GALNTL6: variants seen among roughly 807,000 people sequenced by gnomAD.
GALNTL6 encodes the protein polypeptide N-acetylgalactosaminyltransferase like 6.
GALNTL6 carries 46 observed loss-of-function variants against 73.7 expected under a neutral mutation model. The ratio of observed to expected loss-of-function variants is 0.62; its 90% CI spans 0.49 to 0.80. The LOEUF (loss-of-function observed/expected upper bound fraction) is 0.80, where lower values mean the gene tolerates loss of function less well. Ranked by LOEUF, GALNTL6 falls within the 30% of genes least tolerant of loss-of-function variation. The probability of loss-of-function intolerance (pLI) is 0.00; values close to 1 mark genes in which losing one functional copy is unlikely to be tolerated. For synonymous variants in GALNTL6, 259 were observed against 263.7 expected (o/e 0.98, Z 0.17); for missense variants, 604 against 755.0 (o/e 0.80, Z 2.34).
At chr4:172,482,532 C>A (rs1180875925) in intron 5 of GALNTL6, among the ~76,000 whole-genome samples, 1 of 152,234 alleles carries the variant, frequency 6.6e-6, no homozygotes, top group Non-Finnish European at 1.5e-5. Flanking sequence ...AGGCACTCAT[C>A]AAGTACATGA....
chr4:172,358,857 C>CAAAA (rs56119441), intron 5 of GALNTL6, among the ~76,000 whole-genome samples: 4 of 85,552 alleles, frequency 4.7e-5, no homozygotes, highest in Non-Finnish European at 6.6e-5. Context: ...ATTAAAAAGT[C>CAAAA]AAAAAAAAAA....
At chr4:172,684,490 C>A (rs61245711) in intron 5 of GALNTL6, among the ~76,000 whole-genome samples, 3,271 of 151,976 alleles carry the variant, frequency 0.022, 111 homozygotes, top group African/African-American at 0.074. Flanking sequence ...ATAATACAAT[C>A]AATTAGATGA....
chr4:172,911,090 A>C (rs1454753427), intron 8 of GALNTL6, among the ~76,000 whole-genome samples: 1 of 152,182 alleles, frequency 6.6e-6, no homozygotes, highest in African/African-American at 2.4e-5. Context: ...ATTAATTCAT[A>C]AGCATTTTCA....
rs557158669 is a variant in GALNTL6, at chr4:172,844,193, G to A, written c.923+30470G>A. On this transcript the variant is annotated intron_variant, in intron 7 of 12. Coordinates refer to ENST00000506823, the MANE Select transcript of GALNTL6 (RefSeq NM_001034845.3). ...CCGCGTACATTGAGCCATGTTCAAC[G>A]TGCTTTCTGACAGAGAAAGTAACGT... is the stretch of plus-strand genomic sequence containing the variant. Among the ~76,000 whole-genome samples the A allele has an allele frequency of 3.8e-4, 58 of 152,284 alleles. 1 individual carries two copies. In the South Asian group the frequency reaches 4.4e-3, roughly 11 times the overall value.
chr4:172,513,398 C>G (rs781603016), intron 5 of GALNTL6, among the ~76,000 whole-genome samples: 2 of 152,144 alleles, frequency 1.3e-5, no homozygotes, highest in African/African-American at 2.4e-5. Context: ...AATAATCGAA[C>G]TTCTGAATTC....
intron 7 of GALNTL6, among the ~76,000 whole-genome samples, chr4:172,834,785 C>T (rs759631108): frequency 1.3e-5 from 2 of 152,220 alleles, no homozygotes; most frequent in Non-Finnish European, 2.9e-5. Context: ...CCTTCTCTCA[C>T]CCTGGAGGAG....
chr4:172,585,215 G>A (rs1451419130), intron 5 of GALNTL6, among the ~76,000 whole-genome samples: 2 of 152,012 alleles, frequency 1.3e-5, no homozygotes, highest in Non-Finnish European at 2.9e-5. Context: ...GGAACTTAAA[G>A]TCTTCATTGT....
chr4:172,488,236 T>C (rs1995068), intron 5 of GALNTL6, among the ~76,000 whole-genome samples: 95,824 of 152,078 alleles, frequency 0.63, 31,148 homozygotes, highest in South Asian at 0.82. Context: ...CAAAGACTAG[T>C]GTGTTTCTGA....
At chr4:172,029,955 A>T (rs553100061) in intron 2 of GALNTL6, among the ~76,000 whole-genome samples, 5 of 152,142 alleles carry the variant, frequency 3.3e-5, no homozygotes, top group Non-Finnish European at 5.9e-5. Flanking sequence ...GAGTGCTAAT[A>T]ACCCTTATTA....
At chr4:172,348,354 G>A (rs1012757452) in intron 4 of GALNTL6, among the ~76,000 whole-genome samples, 169 bp from the exon 5 acceptor site, 76 of 152,186 alleles carry the variant, frequency 5.0e-4, no homozygotes, top group African/African-American at 1.8e-3. Flanking sequence ...GATCATTAAT[G>A]CATTCCGTGA....
intron 5 of GALNTL6, among the ~76,000 whole-genome samples, chr4:172,489,543 A>G (rs905772559): frequency 6.6e-6 from 1 of 152,236 alleles, no homozygotes; most frequent in African/African-American, 2.4e-5. Context: ...GTTTATACGC[A>G]CAGAGCAATA....
intron 7 of GALNTL6, among the ~76,000 whole-genome samples, chr4:172,874,492 G>A (rs1415544867): frequency 6.6e-6 from 1 of 152,180 alleles, no homozygotes; most frequent in Non-Finnish European, 1.5e-5. Flanking sequence ...GGAAACAGGA[G>A]GGTTTCAGAG....
intron 7 of GALNTL6, among the ~76,000 whole-genome samples, chr4:172,876,560 C>T (rs1452074520): frequency 6.6e-6 from 1 of 152,186 alleles, no homozygotes; most frequent in Non-Finnish European, 1.5e-5. Flanking sequence ...GATAACTTTT[C>T]AAAATGACCC....
intron 2 of GALNTL6, among the ~76,000 whole-genome samples, chr4:171,918,291 TGAC>T (rs1187575024): frequency 6.6e-6 from 1 of 152,132 alleles, no homozygotes; most frequent in Non-Finnish European, 1.5e-5. Flanking sequence ...ACATGTACTC[TGAC>T]TTTTGTCTCA....
At chr4:172,908,424 T>G (rs887516468) in intron 8 of GALNTL6, among the ~76,000 whole-genome samples, 47 of 152,120 alleles carry the variant, frequency 3.1e-4, no homozygotes, top group African/African-American at 1.1e-3. Flanking sequence ...TTTATATTAT[T>G]CTGAAGATAG....
intron 12 of GALNTL6, among the ~76,000 whole-genome samples, chr4:173,022,189 G>GAGGAAGGAAGGAAGGAAGGAAGGA (rs35151291): frequency 7.4e-6 from 1 of 134,258 alleles, no homozygotes; most frequent in Non-Finnish European, 1.6e-5. Flanking sequence ...GGGAGGGAGG[G>GAGGAAGGAAGGAAGGAAGGAAGGA]AGGAAGGAAG....
intron 5 of GALNTL6, among the ~76,000 whole-genome samples, chr4:172,481,414 G>A (rs1206473152): frequency 7.5e-6 from 1 of 133,708 alleles, no homozygotes; most frequent in Admixed American, 7.7e-5. Context: ...CAGTGTGGAA[G>A]GGGACCAGGG....
chr4:172,455,651 T>C (rs1732369023), intron 5 of GALNTL6, among the ~76,000 whole-genome samples: 1 of 152,112 alleles, frequency 6.6e-6, no homozygotes, highest in Non-Finnish European at 1.5e-5. Flanking sequence ...CCAGACCTCA[T>C]CTCTAGATTC....
intron 11 of GALNTL6, among the ~76,000 whole-genome samples, chr4:173,016,170 G>A (rs1561088370): frequency 6.6e-6 from 1 of 152,236 alleles, no homozygotes; most frequent in Non-Finnish European, 1.5e-5. Flanking sequence ...GGGCAGAGGT[G>A]TGCTATAGTG....
Sources: gnomAD v4.1 joint callset for allele counts (sites outside exome capture counted in the v4.1 genomes callset) on GRCh38, gnomAD v4.1.1 for gene constraint, MANE v1.5 for transcripts, NCBI Gene and HGNC (gene_info 2026-07-23, HGNC 2026-07-21) for gene names.